Variants in DCC observed in about 807,000 individuals in gnomAD.
DCC encodes the protein DCC netrin 1 receptor.
A neutral mutation model predicts 172.5 loss-of-function variants in DCC; 58 were observed. The ratio of observed to expected loss-of-function variants is 0.34; its 90% confidence interval spans 0.27 to 0.42. The LOEUF is 0.42. Ranked by LOEUF, DCC falls within the 10% of genes least tolerant of loss-of-function variation. The pLI, the probability that DCC is intolerant of heterozygous loss-of-function variation, is 1.00. For synonymous variants in DCC, 709 were observed against 644.5 expected, an observed-to-expected ratio of 1.10 and a Z score of -1.52; for missense variants, 1,740 against 1,791.0, an observed-to-expected ratio of 0.97 and a Z score of 0.51.
intron 1 of DCC, among the ~76,000 whole-genome samples, chr18:52,444,909 A>G (rs936782894): frequency 6.6e-6 from 1 of 152,208 alleles, no homozygotes; most frequent in Non-Finnish European, 1.5e-5. Flanking sequence ...TTCAGCAATT[A>G]CAGACACACA....
At chr18:52,961,654 C>T (rs978591140) in intron 5 of DCC, among the ~76,000 whole-genome samples, 8 of 152,128 alleles carry the variant, frequency 5.3e-5, no homozygotes, top group African/African-American at 1.9e-4. Flanking sequence ...CTTAAGTCAT[C>T]GAGTTAGTTT....
chr18:52,865,611 CT>C (rs552284612), intron 2 of DCC, among the ~76,000 whole-genome samples: 1,601 of 144,638 alleles, frequency 0.011, 27 homozygotes, highest in African/African-American at 0.035. Flanking sequence ...TGATGATGAG[CT>C]TTTTTTTTTT....
intron 1 of DCC, among the ~76,000 whole-genome samples, chr18:52,396,773 A>C (rs1986246438): frequency 6.6e-6 from 1 of 152,090 alleles, no homozygotes; most frequent in Non-Finnish European, 1.5e-5. Context: ...GAGTTGATTC[A>C]TAACGGATGG....
At chr18:53,406,848 T>C (rs2145046806) in intron 19 of DCC, among the ~76,000 whole-genome samples, 2 of 152,202 alleles carry the variant, frequency 1.3e-5, no homozygotes, top group East Asian at 3.9e-4. Flanking sequence ...CTCTCAAATA[T>C]ACCAAACATA....
At chr18:52,625,881 G>T (rs1255182659) in intron 1 of DCC, among the ~76,000 whole-genome samples, 2 of 152,112 alleles carry the variant, frequency 1.3e-5, no homozygotes, top group African/African-American at 4.8e-5. Context: ...ATTCTTGTGG[G>T]AAATCTTTCT....
intron 1 of DCC, among the ~76,000 whole-genome samples, chr18:52,528,968 A>ACAAACTGTATGAC (rs1293845833): frequency 2.0e-5 from 3 of 152,132 alleles, no homozygotes; most frequent in Non-Finnish European, 4.4e-5. Context: ...GATACAAATG[A>ACAAACTGTATGAC]CAAACTGTAT....
intron 1 of DCC, among the ~76,000 whole-genome samples, chr18:52,626,753 T>C (rs189303575): frequency 3.8e-4 from 58 of 152,312 alleles, no homozygotes; most frequent in Non-Finnish European, 5.1e-4. Context: ...TGCTGCGTAC[T>C]ATGTTGAGTC....
At chr18:53,376,595 G>A (rs1168564047) in intron 15 of DCC, among the ~76,000 whole-genome samples, 1 of 152,072 alleles carries the variant, frequency 6.6e-6, no homozygotes, top group African/African-American at 2.4e-5. Flanking sequence ...CAATAGGGAA[G>A]CAATTATTTG....
chr18:53,505,734 G>A (rs150361896), intron 27 of DCC, among the ~76,000 whole-genome samples: 3,559 of 152,140 alleles, frequency 0.023, 57 homozygotes, highest in Middle Eastern at 0.061. Flanking sequence ...GACATAATTC[G>A]AAACATGTAA....
chr18:52,695,741 A>C (rs944519574), intron 1 of DCC, among the ~76,000 whole-genome samples: 1 of 152,164 alleles, frequency 6.6e-6, no homozygotes, highest in Non-Finnish European at 1.5e-5. Flanking sequence ...GATTTTCAAG[A>C]AAGGTTCTTC....
At chr18:53,016,939 T>C (rs571326890) in intron 5 of DCC, among the ~76,000 whole-genome samples, 73 of 152,322 alleles carry the variant, frequency 4.8e-4, no homozygotes, top group African/African-American at 1.7e-3. Flanking sequence ...AGTAGCTAGT[T>C]ATCTTCAGCC....
intron 7 of DCC, among the ~76,000 whole-genome samples, chr18:53,110,442 A>G (rs1266080997): frequency 6.6e-6 from 1 of 151,766 alleles, no homozygotes; most frequent in Non-Finnish European, 1.5e-5. Flanking sequence ...ATCCAAACCC[A>G]ACCAAGAAAA....
At chr18:53,011,610 A>G (rs2041732011) in intron 5 of DCC, among the ~76,000 whole-genome samples, 1 of 151,844 alleles carries the variant, frequency 6.6e-6, no homozygotes, top group African/African-American at 2.4e-5. Flanking sequence ...ATTGCTATGT[A>G]AAAGCATTTT....
At chr18:53,018,551 A>G (rs970132314) in intron 5 of DCC, among the ~76,000 whole-genome samples, 1 of 152,094 alleles carries the variant, frequency 6.6e-6, no homozygotes, top group Non-Finnish European at 1.5e-5. Flanking sequence ...TCTCTTTCTC[A>G]GGGATGATTT....
At chr18:52,670,634 G>A (rs1016296378) in intron 1 of DCC, among the ~76,000 whole-genome samples, 17 of 152,152 alleles carry the variant, frequency 1.1e-4, no homozygotes, top group African/African-American at 3.6e-4. Context: ...GAGGTCAGGA[G>A]TTCAAGACCA....
At chr18:53,385,089 C>G (rs1908066515) in intron 15 of DCC, among the ~76,000 whole-genome samples, 1 of 148,580 alleles carries the variant, frequency 6.7e-6, no homozygotes, top group South Asian at 2.1e-4. Context: ...ATGCTCAATA[C>G]ATTTTTATTG....
chr18:53,518,322 A>G (rs1238084569), intron 27 of DCC, among the ~76,000 whole-genome samples: 1 of 152,136 alleles, frequency 6.6e-6, no homozygotes, highest in Non-Finnish European at 1.5e-5. Flanking sequence ...GTTAATAGTG[A>G]AATCAAAACC....
At chr18:52,789,167 G>T (rs923161784) in intron 2 of DCC, among the ~76,000 whole-genome samples, 13 of 152,114 alleles carry the variant, frequency 8.5e-5, no homozygotes, top group African/African-American at 3.1e-4. Context: ...ACTCAAAACT[G>T]TCAGATAACA....
intron 27 of DCC, among the ~76,000 whole-genome samples, chr18:53,506,022 GAGGAC>G (rs1431372789): frequency 6.6e-6 from 1 of 152,178 alleles, no homozygotes. Flanking sequence ...ATAGTTTACA[GAGGAC>G]ATTTCCAAAT....
Sources: allele counts gnomAD v4.1 joint callset (sites outside exome capture counted in the v4.1 genomes callset), GRCh38; gene constraint gnomAD v4.1.1; transcripts MANE v1.5; gene names NCBI Gene and HGNC (gene_info 2026-07-23, HGNC 2026-07-21).